Variants in ZNF611 observed in about 807,000 individuals in gnomAD.
ZNF611 encodes zinc finger protein 611.
Under a neutral mutation model 8.9 loss-of-function variants are expected in ZNF611, and 6 were observed. That is an observed-to-expected ratio of 0.68 (90% CI 0.37 to 1.34). The LOEUF (loss-of-function observed/expected upper bound fraction) is 1.34. ZNF611 is among the 40% of genes most tolerant of loss of function. ZNF611 has a pLI of 0.02. For missense variants in ZNF611, 874 were observed against 841.3 expected (o/e 1.04, Z -0.48); for synonymous variants, 262 against 279.7 (o/e 0.94, Z 0.63).
At chr19:52,719,741 C>T (rs1338922652) in intron 3 of ZNF611, among the ~76,000 whole-genome samples, 1 of 152,188 alleles carries the variant, frequency 6.6e-6, no homozygotes, top group African/African-American at 2.4e-5. Context: ...ATGCCCCTCT[C>T]CTGTTTTGCT....
At chr19:52,722,348 C>T (rs925124789) in intron 3 of ZNF611, among the ~76,000 whole-genome samples, 1 of 152,142 alleles carries the variant, frequency 6.6e-6, no homozygotes, top group Non-Finnish European at 1.5e-5. Flanking sequence ...CGCCATTGTA[C>T]TCCAGCCTGG....
chr19:52,725,973 C>T (rs957423979), intron 3 of ZNF611, among the ~76,000 whole-genome samples: 3 of 152,236 alleles, frequency 2.0e-5, no homozygotes, highest in Non-Finnish European at 2.9e-5. Context: ...GCCAGGAAGG[C>T]TGAGGCATGA....
At chr19:52,726,821 G>A (rs144892348) in intron 3 of ZNF611, among the ~76,000 whole-genome samples, 12 of 150,882 alleles carry the variant, frequency 8.0e-5, no homozygotes, top group African/African-American at 2.7e-4. Context: ...TAGTTGTCCC[G>A]CACGTTTGTG....
intron 5 of ZNF611, among the ~76,000 whole-genome samples, chr19:52,707,066 A>G (rs566059289): frequency 6.6e-6 from 1 of 152,298 alleles, no homozygotes; most frequent in South Asian, 2.1e-4. Context: ...ATGAAAGCCT[A>G]TTTCCTATGT....
intron 1 of ZNF611, among the ~76,000 whole-genome samples, chr19:52,730,408 A>AC (rs1193930923): frequency 3.4e-5 from 5 of 148,302 alleles, no homozygotes; most frequent in African/African-American, 5.0e-5. Flanking sequence ...AAAAAAAAAA[A>AC]AAAAAAAAAA....
intron 3 of ZNF611, among the ~76,000 whole-genome samples, chr19:52,720,236 G>A (rs1187626566): frequency 2.0e-5 from 3 of 152,054 alleles, no homozygotes; most frequent in Non-Finnish European, 4.4e-5. Context: ...TTTTCTTTTC[G>A]ACAAAACCGC....
intron 3 of ZNF611, among the ~76,000 whole-genome samples, chr19:52,725,337 A>T (rs1242118766): frequency 6.6e-6 from 1 of 152,194 alleles, no homozygotes; most frequent in Non-Finnish European, 1.5e-5. Context: ...CAGAGGACCC[A>T]GCCTCCCCAG....
intron 3 of ZNF611, among the ~76,000 whole-genome samples, chr19:52,718,508 C>T (rs2062333142): frequency 6.6e-6 from 1 of 151,802 alleles, no homozygotes; most frequent in Non-Finnish European, 1.5e-5. Flanking sequence ...CTCAAAAAAA[C>T]AGAAATTAAA....
rs2062245405 is a variant in ZNF611, at chr19:52,706,435, T to C, written c.620A>G (p.Asn207Ser). 3 of 1,614,104 alleles carry C rather than the reference T, an allele frequency of 1.9e-6. No individual in the cohort carries two copies. In the East Asian group the frequency reaches 6.7e-5, roughly 36 times the overall value. The change falls in exon 6 of 6, where the codon AAC becomes AGC. Residue 207 changes from asparagine to serine, a missense_variant. Coordinates refer to ENST00000652185, the MANE Select transcript of ZNF611 (RefSeq NM_001161499.2). The part of the protein sequence containing the change: ...SCRPQTQISN[N>S]YGNNPLNSSL... ...AGAATTCAGGGGATTATTCCCATAG[T>C]TATTAGAAATCTGGGTTTGGGGCCT...
At chr19:52,729,648 T>G (rs558240284) in intron 2 of ZNF611, among the ~76,000 whole-genome samples, 51 of 152,198 alleles carry the variant, frequency 3.4e-4, no homozygotes, top group African/African-American at 1.2e-3. Flanking sequence ...ATATTACATA[T>G]CACATACTGA....
rs2062220660 is a variant in ZNF611 at position 52,703,722 on chromosome 19, G to C, written c.*1215C>G. Reference sequence around the variant, plus strand: ...TTCTCCTGCCTCAGCATCTGGAGTAGCTGGGACTACAGGCGCCAGCCACCA... The same window carrying C: ...TTCTCCTGCCTCAGCATCTGGAGTACCTGGGACTACAGGCGCCAGCCACCA... On this transcript the variant is annotated 3_prime_UTR_variant, in exon 6 of 6. Transcript: ENST00000652185. The C allele has an allele frequency of 6.6e-6, 1 of 151,384 alleles. No homozygotes were observed. Among genetic ancestry groups the C allele is most frequent in the Non-Finnish European group, 1.5e-5 (1 of 68,216 alleles). 9.4% of individuals were successfully genotyped at this position (151,384 alleles called of 1,614,324 possible). A position where few individuals can be genotyped will look rare whatever the true frequency, so the allele number is the denominator to read the frequency against.
At chr19:52,715,248 G>C (rs1295998139) in intron 4 of ZNF611, among the ~76,000 whole-genome samples, 1 of 151,998 alleles carries the variant, frequency 6.6e-6, no homozygotes, top group Admixed American at 6.6e-5. Flanking sequence ...ACAAGGTCAG[G>C]AGTTCGAGAC....
intron 3 of ZNF611, among the ~76,000 whole-genome samples, chr19:52,726,093 C>G (rs555579388): frequency 1.3e-5 from 2 of 152,210 alleles, no homozygotes; most frequent in African/African-American, 4.8e-5. Flanking sequence ...CAGAACAGAA[C>G]AGAACTCCTC....
intron 3 of ZNF611, among the ~76,000 whole-genome samples, chr19:52,722,647 T>C (rs2062367239): frequency 1.3e-5 from 2 of 152,256 alleles, no homozygotes; most frequent in South Asian, 4.2e-4. Flanking sequence ...TTTAAACAAG[T>C]TATTAGATTA....
At chr19:52,719,853 G>C (rs1448933746) in intron 3 of ZNF611, among the ~76,000 whole-genome samples, 1 of 152,222 alleles carries the variant, frequency 6.6e-6, no homozygotes, top group African/African-American at 2.4e-5. Flanking sequence ...ATAGTGGAGA[G>C]AAGGTCAGCA....
intron 1 of ZNF611, among the ~76,000 whole-genome samples, chr19:52,731,171 A>T (rs1482075006): frequency 1.3e-5 from 2 of 151,578 alleles, no homozygotes; most frequent in African/African-American, 2.4e-5. Flanking sequence ...GGTCCAAATA[A>T]TTCTCCTGCC....
intron 2 of ZNF611, among the ~76,000 whole-genome samples, chr19:52,729,365 C>A (rs924424825): frequency 6.6e-6 from 1 of 151,536 alleles, no homozygotes; most frequent in East Asian, 1.9e-4. Flanking sequence ...TGGTGGCTTG[C>A]GCCTGCAGTC....
chr19:52,705,561 TA>T lies in ZNF611; in HGVS notation c.1493del (p.Leu498Ter), dbSNP rs759455817. 2 of 1,614,086 alleles carry T rather than the reference TA, an allele frequency of 1.2e-6. No individual in the cohort carries two copies. The highest frequency in any genetic ancestry group is 2.2e-5 in the South Asian group (2 of 91,080). ...GKTFGQNSDLLIHKSIHTGEQ... is the reference protein window; with the variant it reads ...GKTFGQNSDLXIHKSIHTGEQ... Reference sequence around the variant, plus strand: ...CCCCAGTATGAATTGACTTATGAATTAAAAGATCTGAATTTTGACCAAAGGT... The same window carrying T: ...CCCCAGTATGAATTGACTTATGAATTAAAGATCTGAATTTTGACCAAAGGT... On this transcript the variant is annotated frameshift_variant, in exon 6 of 6. Transcript: ENST00000652185. LOFTEE classifies it low-confidence loss of function (END_TRUNC).
In ZNF611 at chr19:52,706,825, G is replaced by A. The variant is rs550274084; in HGVS notation, c.230C>T (p.Thr77Ile). 3 of 1,609,754 alleles carry A rather than the reference G, an allele frequency of 1.9e-6. No individual in the cohort carries two copies. The highest frequency in any genetic ancestry group is 1.7e-5 in the Admixed American group (1 of 58,934). Residue 77 changes from threonine to isoleucine, a missense_variant, in exon 6 of 6, where the codon ACA becomes ATA. Thr to Ile is a moderately conservative substitution (Grantham distance 89). Coordinates refer to ENST00000652185, the MANE Select transcript of ZNF611 (RefSeq NM_001161499.2). ...GATCACTTCTGTATTGCCTTGCCCTGTTGACAAGACCTCCTTCATCATGCA... is the reference window on the plus strand; with the variant it reads ...GATCACTTCTGTATTGCCTTGCCCTATTGACAAGACCTCCTTCATCATGCA... Reference protein sequence around the residue: ...SKCMMKEVLSTGQGNTEVIHT... With the variant: ...SKCMMKEVLSIGQGNTEVIHT...
Sources: allele counts gnomAD v4.1 joint callset (sites outside exome capture counted in the v4.1 genomes callset), GRCh38; gene constraint gnomAD v4.1.1; transcripts MANE v1.5; gene names NCBI Gene and HGNC (gene_info 2026-07-23, HGNC 2026-07-21).